The following NLGN1 variants were observed in gnomAD, a reference collection of about 807,000 sequenced individuals.
The protein encoded by NLGN1 is neuroligin-1.
Under a neutral mutation model 65.5 loss-of-function variants are expected in NLGN1, and 12 were observed. The ratio of observed to expected loss-of-function variants is 0.18; its 90% CI spans 0.12 to 0.30. The LOEUF is 0.30. Among genes scored for constraint, NLGN1 ranks in the 10% least tolerant of loss-of-function variants. NLGN1 has a pLI of 1.00. For missense variants in NLGN1, 750 were observed against 1,007.1 expected (o/e 0.74, Z 3.46); for synonymous variants, 350 against 359.5 (o/e 0.97, Z 0.30).
At chr3:173,861,255 TTTCTC>T (rs564442516) in intron 4 of NLGN1, among the ~76,000 whole-genome samples, 27 of 152,128 alleles carry the variant, frequency 1.8e-4, no homozygotes, top group African/African-American at 2.6e-4. Context: ...AATATTTAGT[TTTCTC>T]TTATCTTTCA....
chr3:173,441,054 A>G (rs1719097373), intron 2 of NLGN1, among the ~76,000 whole-genome samples: 1 of 152,146 alleles, frequency 6.6e-6, no homozygotes, highest in Non-Finnish European at 1.5e-5. Context: ...CGTTATAGGA[A>G]TGTCTTCTTT....
intron 1 of NLGN1, among the ~76,000 whole-genome samples, chr3:173,421,722 G>A (rs563360239): frequency 8.6e-5 from 13 of 151,852 alleles, no homozygotes; most frequent in Admixed American, 6.6e-5. Context: ...GTTTTGGCGT[G>A]TTGCCTCAGG....
intron 3 of NLGN1, among the ~76,000 whole-genome samples, chr3:173,786,130 AT>A (rs907757253): frequency 3.3e-5 from 5 of 151,910 alleles, no homozygotes; most frequent in African/African-American, 9.7e-5. Flanking sequence ...CTCCCTAGGT[AT>A]TTTTTTTATG....
At chr3:173,562,444 G>A (rs993267697) in intron 2 of NLGN1, among the ~76,000 whole-genome samples, 1 of 152,000 alleles carries the variant, frequency 6.6e-6, no homozygotes, top group African/African-American at 2.4e-5. Context: ...GTGCGCACCT[G>A]TAGTCCCAGC....
chr3:173,956,984 C>T (rs528907526), intron 4 of NLGN1, among the ~76,000 whole-genome samples: 145 of 151,894 alleles, frequency 9.5e-4, no homozygotes, highest in Non-Finnish European at 1.9e-3. Flanking sequence ...GAGTTAATAA[C>T]ATTGTGAACA....
At chr3:173,657,597 T>A (rs1760259559) in intron 3 of NLGN1, among the ~76,000 whole-genome samples, 1 of 151,894 alleles carries the variant, frequency 6.6e-6, no homozygotes, top group African/African-American at 2.4e-5. Context: ...GTGAATGCTT[T>A]CTCCTTAAAA....
chr3:174,165,690 A>T (rs1254998327), intron 4 of NLGN1, among the ~76,000 whole-genome samples: 2 of 151,978 alleles, frequency 1.3e-5, no homozygotes, highest in Non-Finnish European at 2.9e-5. Context: ...AAGCTTTGGT[A>T]TCATGGTGAG....
At chr3:174,015,533 C>T (rs749966700) in intron 4 of NLGN1, among the ~76,000 whole-genome samples, 2 of 152,122 alleles carry the variant, frequency 1.3e-5, no homozygotes, top group Non-Finnish European at 2.9e-5. Context: ...CCCAAAGGCC[C>T]CATCTCCAAA....
intron 4 of NLGN1, among the ~76,000 whole-genome samples, chr3:173,920,162 G>C (rs1198914389): frequency 3.3e-5 from 5 of 151,714 alleles, no homozygotes; most frequent in Non-Finnish European, 1.5e-5. Flanking sequence ...ACTTATTTGA[G>C]ATAGAAATAA....
At chr3:174,056,972 G>A (rs1486227029) in intron 4 of NLGN1, among the ~76,000 whole-genome samples, 2 of 151,204 alleles carry the variant, frequency 1.3e-5, no homozygotes, top group Admixed American at 1.3e-4. Flanking sequence ...GACATTTTCA[G>A]TTGGGTCTTA....
intron 4 of NLGN1, among the ~76,000 whole-genome samples, chr3:174,258,165 G>A (rs1469674875): frequency 6.6e-6 from 1 of 151,948 alleles, no homozygotes; most frequent in African/African-American, 2.4e-5. Context: ...AAAGGTAATG[G>A]GTACATGTCA....
chr3:174,088,609 C>T (rs1355643142), intron 4 of NLGN1, among the ~76,000 whole-genome samples: 2 of 151,490 alleles, frequency 1.3e-5, no homozygotes, highest in African/African-American at 4.8e-5. Context: ...AAAAATTAGC[C>T]GGGCGCGGTG....
intron 4 of NLGN1, among the ~76,000 whole-genome samples, chr3:174,033,399 A>G (rs1004232170): frequency 6.6e-6 from 1 of 152,192 alleles, no homozygotes; most frequent in Non-Finnish European, 1.5e-5. Flanking sequence ...CCTGATACAT[A>G]TTTGGCTTTC....
intron 4 of NLGN1, among the ~76,000 whole-genome samples, chr3:173,809,885 T>C (rs2150463227): frequency 6.6e-6 from 1 of 152,306 alleles, no homozygotes; most frequent in South Asian, 2.1e-4. Flanking sequence ...ACAGTATTGA[T>C]ATTATCAAAG....
At chr3:174,157,751 C>G (rs1266784488) in intron 4 of NLGN1, among the ~76,000 whole-genome samples, 2 of 151,608 alleles carry the variant, frequency 1.3e-5, no homozygotes, top group Non-Finnish European at 3.0e-5. Flanking sequence ...CTTTTCCAAG[C>G]ATGGGGAAGA....
chr3:173,944,124 G>GTTTTGTGTGTGTGT (rs34721217), intron 4 of NLGN1, among the ~76,000 whole-genome samples: 1 of 139,512 alleles, frequency 7.2e-6, no homozygotes, highest in Non-Finnish European at 1.6e-5. Flanking sequence ...TAATATTATG[G>GTTTTGTGTGTGTGT]GTGTGTGTGT....
chr3:174,142,166 A>G (rs1442869314), intron 4 of NLGN1, among the ~76,000 whole-genome samples: 4 of 152,212 alleles, frequency 2.6e-5, no homozygotes, highest in Non-Finnish European at 5.9e-5. Flanking sequence ...AATATATTGT[A>G]TAAATGAAAG....
At chr3:173,972,392 T>C (rs1716463413) in intron 4 of NLGN1, among the ~76,000 whole-genome samples, 1 of 152,080 alleles carries the variant, frequency 6.6e-6, no homozygotes, top group Non-Finnish European at 1.5e-5. Flanking sequence ...AGCTCTACAA[T>C]GGTGGTAGAA....
rs186090556 is a variant in NLGN1, at chr3:174,150,754, C to A, written c.647-124561C>A. Among the ~76,000 whole-genome samples, 286 of 152,128 alleles carry A rather than the reference C, an allele frequency of 1.9e-3. 2 individuals carry two copies. The highest frequency in any genetic ancestry group is 6.8e-3 in the Middle Eastern group (2 of 294). On this transcript the variant is annotated intron_variant, in intron 4 of 6. Coordinates refer to ENST00000457714, the Ensembl canonical transcript of NLGN1. ...GATAAATCACTACTTCTATTTGGAG[C>A]AGGAAGTACAGGGATGGAGAGTAGA...
Sources: allele counts gnomAD v4.1 joint callset (sites outside exome capture counted in the v4.1 genomes callset), GRCh38; gene constraint gnomAD v4.1.1; transcripts MANE v1.5; gene names NCBI Gene and HGNC (gene_info 2026-07-23, HGNC 2026-07-21).